The following EFR3B variants were observed in gnomAD, a reference collection of about 807,000 sequenced individuals.
EFR3B encodes the protein protein EFR3 homolog B.
EFR3B carries 64 observed loss-of-function variants against 104.7 expected under a neutral mutation model. The observed-to-expected ratio is 0.61, with a 90% CI of 0.50 to 0.75. The LOEUF (loss-of-function observed/expected upper bound fraction) is 0.75. EFR3B is among the 30% of genes least tolerant of loss of function. The probability of loss-of-function intolerance (pLI) is 0.00; values close to 1 mark genes in which losing one functional copy is unlikely to be tolerated. For synonymous variants in EFR3B, 385 were observed against 417.9 expected (o/e 0.92, Z 0.96); for missense variants, 750 against 1,078.5 (o/e 0.70, Z 4.27).
chr2:25,080,827 C>T (rs1204034845), intron 1 of EFR3B: 4 of 916,324 alleles, frequency 4.4e-6, no homozygotes, highest in South Asian at 1.3e-5. Flanking sequence ...GAATCTTCAC[C>T]ATTGGATTTA....
chr2:25,103,510 C>A (rs577893773), intron 3 of EFR3B, 127 bp from the exon 4 acceptor site: 6 of 1,312,930 alleles, frequency 4.6e-6, no homozygotes, highest in Middle Eastern at 2.6e-4. Flanking sequence ...ACGTTGGCAG[C>A]CTGTGGGGGA....
chr2:25,131,512 C>A lies in EFR3B; in HGVS notation c.985+9C>A. 6.5e-7 allele frequency: 1 copy of A among 1,548,740 alleles called. No homozygotes were observed. Among genetic ancestry groups the A allele is most frequent in the Non-Finnish European group, 8.7e-7 (1 of 1,146,742 alleles). Reference sequence around the variant, plus strand: ...TGCCACCGGCTCTGTGGGTAAGGGGCATGGCTAGGGCCTGAGGGCCGGGGA... The same window carrying A: ...TGCCACCGGCTCTGTGGGTAAGGGGAATGGCTAGGGCCTGAGGGCCGGGGA... On this transcript the variant is annotated intron_variant, in intron 9 of 22. Transcript: ENST00000403714. The surrounding 1 kb of genome is among the most constrained non-coding windows in gnomAD (Gnocchi z 7.6).
intron 1 of EFR3B, among the ~76,000 whole-genome samples, chr2:25,047,781 T>C (rs1451874515): frequency 1.3e-5 from 2 of 152,124 alleles, no homozygotes; most frequent in African/African-American, 4.8e-5. Context: ...ATTACAGGTG[T>C]GAGCCACCAT....
intron 1 of EFR3B, among the ~76,000 whole-genome samples, chr2:25,073,782 C>T (rs1401583555): frequency 1.3e-5 from 2 of 152,104 alleles, no homozygotes; most frequent in Non-Finnish European, 2.9e-5. Flanking sequence ...GTTTCTCTTG[C>T]CAGGACCCCC....
Position 25,103,630 on chromosome 2 carries a change from TC to T in EFR3B, c.213-3del. Reference sequence around the variant, plus strand: ...CGGCCAGTGACGGCATGTGCTGCCCTCCCCAGGTACGTGTGCATTGCTATGG... The same window carrying T: ...CGGCCAGTGACGGCATGTGCTGCCCTCCCAGGTACGTGTGCATTGCTATGG... On this transcript the variant is annotated splice_polypyrimidine_tract_variant and splice_region_variant and intron_variant, in intron 3 of 22. Coordinates refer to ENST00000403714, the MANE Select transcript of EFR3B (RefSeq NM_014971.2). The T allele has an allele frequency of 6.5e-7, 1 of 1,546,494 alleles. No homozygotes were observed. Among genetic ancestry groups the T allele is most frequent in the Non-Finnish European group, 8.7e-7 (1 of 1,143,190 alleles).
intron 3 of EFR3B, 107 bp downstream of exon 3, chr2:25,093,237 G>T: frequency 7.1e-7 from 1 of 1,410,420 alleles, no homozygotes; most frequent in Admixed American, 2.4e-5. Context: ...GCTCACGCCT[G>T]TAATCCCAGC....
At chr2:25,084,907 G>T (rs1314220767) in intron 1 of EFR3B, among the ~76,000 whole-genome samples, 1 of 152,202 alleles carries the variant, frequency 6.6e-6, no homozygotes, top group Non-Finnish European at 1.5e-5. Flanking sequence ...AGGCAGGTTG[G>T]CCCTAAGCAG....
chr2:25,111,482 C>T (rs1162482489), intron 4 of EFR3B, among the ~76,000 whole-genome samples: 1 of 152,156 alleles, frequency 6.6e-6, no homozygotes, highest in Non-Finnish European at 1.5e-5. Context: ...CTCTTCCCAC[C>T]GGATGTGCCC....
At chr2:25,119,361 T>G (rs766399665) in intron 4 of EFR3B, among the ~76,000 whole-genome samples, 1 of 152,216 alleles carries the variant, frequency 6.6e-6, no homozygotes, top group African/African-American at 2.4e-5. Context: ...GACCAGCCTT[T>G]GGCTGTGAGG....
chr2:25,108,778 C>T (rs1008774253), intron 4 of EFR3B, among the ~76,000 whole-genome samples: 7 of 149,690 alleles, frequency 4.7e-5, no homozygotes, highest in Admixed American at 2.0e-4. Context: ...GTGGGTGGAT[C>T]GCTTGAGGTC....
intron 1 of EFR3B, among the ~76,000 whole-genome samples, chr2:25,069,629 G>A (rs1042655478): frequency 1.3e-5 from 2 of 152,236 alleles, no homozygotes; most frequent in Admixed American, 6.5e-5. Context: ...TTTTGCAGTC[G>A]TGTTTATACC....
Position 25,042,092 on chromosome 2 carries a change from C to A in EFR3B, c.-221C>A. On this transcript the variant is annotated 5_prime_UTR_variant, in exon 1 of 23. Transcript: ENST00000403714. This position sits in a 1 kb window ranked among gnomAD's most constrained non-coding sequence, Gnocchi z 5.4. ...CCTGCGCGCAGCAGTGCCCAGCAACCCGAGCGGAGGCGGCCGCTGCAGCCC... is the reference window on the plus strand; with the variant it reads ...CCTGCGCGCAGCAGTGCCCAGCAACACGAGCGGAGGCGGCCGCTGCAGCCC... 1 of 317,286 alleles carries A rather than the reference C, an allele frequency of 3.2e-6. No individual in the cohort carries two copies. Among genetic ancestry groups the A allele is most frequent in the Non-Finnish European group, 5.6e-6 (1 of 177,522 alleles). 19.7% of individuals were successfully genotyped at this position (317,286 alleles called of 1,614,324 possible). A position where few individuals can be genotyped will look rare whatever the true frequency, so the allele number is the denominator to read the frequency against.
At chr2:25,074,424 G>T (rs1283991875) in intron 1 of EFR3B, among the ~76,000 whole-genome samples, 1 of 152,102 alleles carries the variant, frequency 6.6e-6, no homozygotes, top group South Asian at 2.1e-4. Context: ...AATTAGCCAG[G>T]CGTGGTGGTG....
chr2:25,148,926 A>C (rs1670926559), intron 19 of EFR3B, among the ~76,000 whole-genome samples: 3 of 27,594 alleles, frequency 1.1e-4, no homozygotes, highest in African/African-American at 2.1e-4. Flanking sequence ...CGTCTCAAAA[A>C]AAAAAAAAAA....
chr2:25,081,274 CT>C, intron 1 of EFR3B: 7 of 1,056,162 alleles, frequency 6.6e-6, no homozygotes, highest in Non-Finnish European at 4.4e-6. Flanking sequence ...TCAAATGTTC[CT>C]TTTCCTCGAC....
At chr2:25,144,924 C>T in intron 18 of EFR3B, 36 bp from the exon 19 acceptor site, 1 of 1,540,822 alleles carries the variant, frequency 6.5e-7, no homozygotes, top group South Asian at 1.2e-5. Context: ...TCTCTGAGGG[C>T]TGGGAACTAA....
At chr2:25,084,393 C>T (rs969450880) in intron 1 of EFR3B, among the ~76,000 whole-genome samples, 1 of 151,982 alleles carries the variant, frequency 6.6e-6, no homozygotes, top group African/African-American at 2.4e-5. Context: ...CGCGCTGCCA[C>T]GCCCTGCTAA....
At chr2:25,097,740 C>T (rs1040917924) in intron 3 of EFR3B, among the ~76,000 whole-genome samples, 4 of 152,214 alleles carry the variant, frequency 2.6e-5, no homozygotes, top group Non-Finnish European at 5.9e-5. Context: ...ATTTTCCCTT[C>T]TCTTTACATT....
Position 25,154,549 on chromosome 2 carries a change from A to C in EFR3B, c.*209A>C. ...GTCTTCCCTGAGGGAGGTCTCACCA[A>C]TCAGCATCTCACCTGTGCCCTCTTT... On this transcript the variant is annotated 3_prime_UTR_variant, in exon 23 of 23. Transcript: ENST00000403714. The surrounding 1 kb of genome is among the most constrained non-coding windows in gnomAD (Gnocchi z 4.1). 1.8e-6 allele frequency: 1 copy of C among 558,338 alleles called. No homozygotes were observed. The highest frequency in any genetic ancestry group is 3.2e-6 in the Non-Finnish European group (1 of 315,176). The allele number at this position is 558,338 out of a possible 1,614,324, so 34.6% of individuals were successfully genotyped here. A position where few individuals can be genotyped will look rare whatever the true frequency, so the allele number is the denominator to read the frequency against.
Sources: allele counts gnomAD v4.1 joint callset (sites outside exome capture counted in the v4.1 genomes callset), GRCh38; gene constraint gnomAD v4.1.1; non-coding constraint Gnocchi (gnomAD v3.1); transcripts MANE v1.5; gene names NCBI Gene and HGNC (gene_info 2026-07-23, HGNC 2026-07-21).